Variants in BTD observed in about 807,000 individuals in gnomAD.
The protein encoded by BTD is biotinidase.
Under a neutral mutation model 17.7 loss-of-function variants are expected in BTD, and 13 were observed. The ratio of observed to expected loss-of-function variants is 0.74; its 90% CI spans 0.48 to 1.17. The LOEUF is 1.17. Ranked by LOEUF, BTD falls within the 50% of genes most tolerant of loss-of-function variation. BTD has a pLI of 0.00. For missense variants in BTD, 674 were observed against 650.4 expected, an observed-to-expected ratio of 1.04 and a Z score of -0.39; for synonymous variants, 240 against 245.2, an observed-to-expected ratio of 0.98 and a Z score of 0.20.
downstream of BTD, chr3:15,714,539 AAAAAAAAACCCC>A (rs773547301): frequency 6.8e-7 from 1 of 1,464,548 alleles, no homozygotes; most frequent in Non-Finnish European, 9.2e-7. Flanking sequence ...TAAGAAAAAA[AAAAAAAAACCCC>A]AAAAAAAAAA....
chr3:15,709,660 T>C lies in BTD; in HGVS notation c.400-400T>C, dbSNP rs759629657. ...TAGGCTCCATAAAGAAACTGTATCATACCCTACCTCCCAAATTTGTCCTTT... is the reference window on the plus strand; with the variant it reads ...TAGGCTCCATAAAGAAACTGTATCACACCCTACCTCCCAAATTTGTCCTTT... On this transcript the variant is annotated intron_variant, in intron 3 of 3. Coordinates refer to the BTD transcript ENST00000672141. 9 of 1,568,208 alleles carry C rather than the reference T, an allele frequency of 5.7e-6. No individual in the cohort carries two copies. The Admixed American group carries it at 1.5e-4, about 26-fold the overall frequency.
Position 15,689,528 on chromosome 3 carries a change from G to A in BTD, c.400-20532G>A, listed in dbSNP as rs182004008. On this transcript the variant is annotated intron_variant, in intron 3 of 3. Transcript: ENST00000672141. Reference sequence around the variant, plus strand: ...CACAGGAGGAAGGGAGCTACTTGGGGGCACTTACATCTTTTGTGCAGAGGA... The same window carrying A: ...CACAGGAGGAAGGGAGCTACTTGGGAGCACTTACATCTTTTGTGCAGAGGA... Among the ~76,000 whole-genome samples the A allele has an allele frequency of 9.8e-5, 15 of 152,322 alleles. No homozygotes were observed. In the East Asian group the frequency reaches 2.1e-3, roughly 22 times the overall value.
chr3:15,714,499 C>T, downstream of BTD: 1 of 977,624 alleles, frequency 1.0e-6, no homozygotes, highest in Non-Finnish European at 1.5e-6. Context: ...TCCTCAATAC[C>T]ATTCATTTGG....
intron 4 of BTD, chr3:15,721,108 T>A: frequency 6.2e-7 from 1 of 1,612,046 alleles, no homozygotes; most frequent in South Asian, 1.1e-5. Flanking sequence ...TGTATTTCCA[T>A]AGGCATTTGG....
At chr3:15,711,916 G>C (rs924753036) in exon 4 of BTD, among the ~76,000 whole-genome samples, 3 of 151,372 alleles carry the variant, frequency 2.0e-5, no homozygotes, top group African/African-American at 7.3e-5. Context: ...TGCTGGTCTT[G>C]AACTCCTGAC....
At chr3:15,676,005 T>G in intron 3 of BTD, 2 of 1,606,458 alleles carry the variant, frequency 1.2e-6, no homozygotes, top group Non-Finnish European at 1.7e-6. Context: ...GGAAAAAACA[T>G]GATACATGTA....
rs773655370 is a variant in BTD at position 15,636,208 on chromosome 3, C to T, written c.249+520C>T. On this transcript the variant is annotated intron_variant, in intron 2 of 3. Coordinates refer to ENST00000643237, the MANE Select transcript of BTD (RefSeq NM_001370658.1). Reference sequence around the variant, plus strand: ...GGCGTGATGACCTCTCTGAGTCATTCGAAGCTTCACTGAAGTAGTAAGCAT... The same window carrying T: ...GGCGTGATGACCTCTCTGAGTCATTTGAAGCTTCACTGAAGTAGTAAGCAT... Among the ~76,000 whole-genome samples the T allele has an allele frequency of 2.6e-5, 4 of 152,256 alleles. No individual in the cohort carries two copies. The South Asian group carries it at 8.3e-4, about 32-fold the overall frequency.
intron 1 of BTD, among the ~76,000 whole-genome samples, chr3:15,612,429 A>G (rs1351507811): frequency 6.6e-6 from 1 of 152,158 alleles, no homozygotes; most frequent in East Asian, 1.9e-4. Context: ...AGGATTCTAT[A>G]GGCTTTTACT....
At chr3:15,709,057 G>A (rs2071863877) in intron 3 of BTD, among the ~76,000 whole-genome samples, 1 of 152,168 alleles carries the variant, frequency 6.6e-6, no homozygotes, top group South Asian at 2.1e-4. Context: ...CTTAACAGTA[G>A]TTTTAAATAC....
chr3:15,605,545 TTTTGTATTATACTCTA>T (rs2064423760), intron 1 of BTD, among the ~76,000 whole-genome samples: 1 of 152,178 alleles, frequency 6.6e-6, no homozygotes, highest in African/African-American at 2.4e-5. Context: ...AAAATGCAGA[TTTTGTATTATACTCTA>T]GAATGTATCC....
downstream of BTD, among the ~76,000 whole-genome samples, chr3:15,713,151 C>G (rs2072553510): frequency 6.6e-6 from 1 of 152,048 alleles, no homozygotes; most frequent in African/African-American, 2.4e-5. Flanking sequence ...TGGCACAGCA[C>G]AGCCTGAAAA....
chr3:15,608,594 C>T (rs1450277474), intron 1 of BTD, among the ~76,000 whole-genome samples: 3 of 152,030 alleles, frequency 2.0e-5, no homozygotes, highest in Admixed American at 6.5e-5. Context: ...GGTGAAACCC[C>T]GTCTCTACTA....
intron 2 of BTD, among the ~76,000 whole-genome samples, chr3:15,636,958 A>T (rs1400117309): frequency 6.6e-6 from 1 of 151,846 alleles, no homozygotes; most frequent in Non-Finnish European, 1.5e-5. Context: ...AGTGGCTCAG[A>T]CTCACAGGTC....
intron 3 of BTD, among the ~76,000 whole-genome samples, chr3:15,701,911 C>G (rs2070687626): frequency 6.6e-6 from 1 of 152,136 alleles, no homozygotes; most frequent in African/African-American, 2.4e-5. Context: ...GAATACTTTA[C>G]AGGCAAAAAC....
intron 3 of BTD, among the ~76,000 whole-genome samples, chr3:15,703,948 T>C (rs1454262665): frequency 6.6e-6 from 1 of 152,184 alleles, no homozygotes; most frequent in East Asian, 1.9e-4. Flanking sequence ...TAACTGTTGA[T>C]GATGGTTATC....
At chr3:15,614,162 C>T (rs1407094149) in intron 1 of BTD, among the ~76,000 whole-genome samples, 1 of 146,650 alleles carries the variant, frequency 6.8e-6, no homozygotes, top group Non-Finnish European at 1.5e-5. Flanking sequence ...CTTGCTCTGT[C>T]GCCCAAGCTG....
intron 3 of BTD, among the ~76,000 whole-genome samples, chr3:15,691,125 CTT>C (rs535516050): frequency 1.3e-4 from 18 of 141,378 alleles, no homozygotes; most frequent in Admixed American, 1.4e-4. Flanking sequence ...CTGAAGTTGT[CTT>C]TTTTTTTTTT....
At chr3:15,677,670 A>G (rs1042084870) in intron 3 of BTD, 5 of 686,892 alleles carry the variant, frequency 7.3e-6, no homozygotes, top group South Asian at 6.4e-5. Context: ...TCCCTCTCAC[A>G]AAAACTTAAG....
chr3:15,670,313 G>C (rs1265651874), intron 3 of BTD: 1 of 1,613,980 alleles, frequency 6.2e-7, no homozygotes, highest in Admixed American at 1.7e-5. Context: ...ATCCACGTCA[G>C]TGTATAAGTA....
Sources: gnomAD v4.1 joint callset for allele counts (sites outside exome capture counted in the v4.1 genomes callset) on GRCh38, gnomAD v4.1.1 for gene constraint, MANE v1.5 for transcripts, NCBI Gene and HGNC (gene_info 2026-07-23, HGNC 2026-07-21) for gene names.